Variants in PPM1H observed in about 807,000 individuals in gnomAD.
PPM1H encodes protein phosphatase 1H.
PPM1H carries 27 observed loss-of-function variants against 54.9 expected under a neutral mutation model. The ratio of observed to expected loss-of-function variants is 0.49; its 90% confidence interval spans 0.36 to 0.68. The LOEUF (loss-of-function observed/expected upper bound fraction) is 0.68. PPM1H is among the 30% of genes least tolerant of loss of function. The probability of loss-of-function intolerance (pLI) is 0.00; values close to 1 mark genes in which losing one functional copy is unlikely to be tolerated. For synonymous variants in PPM1H, 305 were observed against 270.8 expected, an observed-to-expected ratio of 1.13 and a Z score of -1.24; for missense variants, 596 against 667.8, an observed-to-expected ratio of 0.89 and a Z score of 1.19.
rs188669110 is a variant in PPM1H, at chr12:62,706,670, T to C, written c.1074-12671A>G. Among the ~76,000 whole-genome samples the C allele has an allele frequency of 1.4e-3, 209 of 152,162 alleles. 1 individual carries two copies. The highest frequency in any genetic ancestry group is 4.7e-3 in the African/African-American group (195 of 41,506). Reference sequence around the variant, plus strand: ...GAGAGGTCATATATCTGGGAGGAAATAGGGGTCAAGCTCACTTCAGGTCTG... The same window carrying C: ...GAGAGGTCATATATCTGGGAGGAAACAGGGGTCAAGCTCACTTCAGGTCTG... On this transcript the variant is annotated intron_variant, in intron 6 of 9. Coordinates refer to ENST00000228705, the MANE Select transcript of PPM1H (RefSeq NM_020700.2).
At chr12:62,655,283 C>T (rs1249423815) in intron 9 of PPM1H, among the ~76,000 whole-genome samples, 1 of 152,180 alleles carries the variant, frequency 6.6e-6, no homozygotes, top group Non-Finnish European at 1.5e-5. Context: ...AGCTCATTTG[C>T]ATCCATCTTC....
At chr12:62,662,367 AAAG>A (rs760966052) in intron 9 of PPM1H, among the ~76,000 whole-genome samples, 54 of 152,224 alleles carry the variant, frequency 3.5e-4, no homozygotes, top group Non-Finnish European at 5.7e-4. Flanking sequence ...AATTCAAATA[AAAG>A]AATATTTAAT....
Position 62,844,291 on chromosome 12 carries a change from G to C in PPM1H, c.246-12012C>G, listed in dbSNP as rs930741137. Among the ~76,000 whole-genome samples, 53 of 152,192 alleles carry C rather than the reference G, an allele frequency of 3.5e-4. No homozygotes were observed. The highest frequency in any genetic ancestry group is 1.2e-3 in the African/African-American group (50 of 41,442). On this transcript the variant is annotated intron_variant, in intron 1 of 9. Coordinates refer to ENST00000228705, the MANE Select transcript of PPM1H (RefSeq NM_020700.2). The surrounding 1 kb of genome is among the most constrained non-coding windows in gnomAD (Gnocchi z 5.2). ...TACAAAGCCAGTATGTAACATTACAGTGATTTGCTTAGTATGGATTACTAC... is the reference window on the plus strand; with the variant it reads ...TACAAAGCCAGTATGTAACATTACACTGATTTGCTTAGTATGGATTACTAC...
rs148073926 is a variant in PPM1H, at chr12:62,673,020, G to A, written c.1246-5691C>T. On this transcript the variant is annotated intron_variant, in intron 8 of 9. Transcript: ENST00000228705. ...ATCCAACAGATTTAGTTTGTTAACT[G>A]AGACACTTCCAAATCGTCAAACAAA... Among the ~76,000 whole-genome samples, 313 of 152,318 alleles carry A rather than the reference G, an allele frequency of 2.1e-3. 1 individual carries two copies. The highest frequency in any genetic ancestry group is 7.0e-3 in the African/African-American group (293 of 41,584).
chr12:62,791,383 A>G (rs2076700363), intron 3 of PPM1H, among the ~76,000 whole-genome samples: 1 of 152,166 alleles, frequency 6.6e-6, no homozygotes, highest in Non-Finnish European at 1.5e-5. Context: ...GAAAACCCAT[A>G]AAAACAGAAC....
At chr12:62,774,266 C>T (rs931059501) in intron 4 of PPM1H, among the ~76,000 whole-genome samples, 1 of 152,222 alleles carries the variant, frequency 6.6e-6, no homozygotes, top group Non-Finnish European at 1.5e-5. Flanking sequence ...TGTGATTAAT[C>T]TCTGGACTCC....
chr12:62,895,534 T>A (rs1442938656), intron 1 of PPM1H, among the ~76,000 whole-genome samples: 12 of 152,166 alleles, frequency 7.9e-5, no homozygotes, highest in Admixed American at 7.9e-4. Context: ...AGGGTTTGTT[T>A]GTTTGACCCC....
intron 1 of PPM1H, among the ~76,000 whole-genome samples, chr12:62,843,119 C>T (rs1282693426): frequency 6.6e-6 from 1 of 152,072 alleles, no homozygotes; most frequent in Non-Finnish European, 1.5e-5. Context: ...AGTTTGAGAC[C>T]AGTCTGACCA....
At chr12:62,914,052 T>A (rs1046235504) in intron 1 of PPM1H, among the ~76,000 whole-genome samples, 1 of 152,154 alleles carries the variant, frequency 6.6e-6, no homozygotes, top group African/African-American at 2.4e-5. Context: ...GTTTGGTTTG[T>A]CCCCACCAAG....
chr12:62,798,237 A>G (rs1237038530), intron 3 of PPM1H, among the ~76,000 whole-genome samples: 2 of 152,102 alleles, frequency 1.3e-5, no homozygotes, highest in Non-Finnish European at 2.9e-5. Context: ...GAGGGAGGGT[A>G]TGGTCATCCA....
chr12:62,658,052 GTTA>G (rs2075855568), intron 9 of PPM1H, among the ~76,000 whole-genome samples: 1 of 63,338 alleles, frequency 1.6e-5, no homozygotes, highest in East Asian at 4.2e-4. Context: ...TTAAATCCAG[GTTA>G]CAAAAAAAAA....
intron 6 of PPM1H, among the ~76,000 whole-genome samples, chr12:62,715,041 T>C (rs1298622174): frequency 6.6e-6 from 1 of 152,172 alleles, no homozygotes; most frequent in East Asian, 1.9e-4. Flanking sequence ...CTGATCCTAC[T>C]TGAGAAAGCG....
At chr12:62,668,784 T>C (rs548884913) in intron 8 of PPM1H, among the ~76,000 whole-genome samples, 2 of 152,238 alleles carry the variant, frequency 1.3e-5, no homozygotes, top group South Asian at 2.1e-4. Context: ...GACAATCATA[T>C]CACCTCAGCC....
intron 1 of PPM1H, among the ~76,000 whole-genome samples, chr12:62,851,658 G>A (rs373289534): frequency 7.2e-5 from 11 of 152,036 alleles, no homozygotes; most frequent in Non-Finnish European, 1.0e-4. Context: ...AGCCGAGATC[G>A]TGCCATTGCC....
At chr12:62,805,811 T>C (rs1333627791) in intron 2 of PPM1H, among the ~76,000 whole-genome samples, 1 of 152,222 alleles carries the variant, frequency 6.6e-6, no homozygotes, top group African/African-American at 2.4e-5. Flanking sequence ...CTGTACTGTA[T>C]ACTTGAAATT....
At chr12:62,788,821 G>T (rs2076688037) in intron 3 of PPM1H, among the ~76,000 whole-genome samples, 1 of 151,940 alleles carries the variant, frequency 6.6e-6, no homozygotes, top group Admixed American at 6.6e-5. Flanking sequence ...TGCTTCCCAG[G>T]CTCAAGCAAT....
At chr12:62,850,318 A>G (rs1869133865) in intron 1 of PPM1H, among the ~76,000 whole-genome samples, 1 of 152,188 alleles carries the variant, frequency 6.6e-6, no homozygotes, top group Non-Finnish European at 1.5e-5. Flanking sequence ...AAAACTTAAT[A>G]TATATGTTTT....
At chr12:62,811,414 G>A (rs759696477) in intron 2 of PPM1H, among the ~76,000 whole-genome samples, 1 of 152,152 alleles carries the variant, frequency 6.6e-6, no homozygotes, top group Admixed American at 6.5e-5. Context: ...GCACATCTGA[G>A]CTCCTGACTT....
At chr12:62,884,515 A>AAG (rs1555203636) in intron 1 of PPM1H, among the ~76,000 whole-genome samples, 6 of 146,324 alleles carry the variant, frequency 4.1e-5, no homozygotes, top group African/African-American at 8.0e-5. Flanking sequence ...AAAAAAAAAA[A>AAG]AAAGAAAGAA....
Sources: gnomAD v4.1 joint callset for allele counts (sites outside exome capture counted in the v4.1 genomes callset) on GRCh38, gnomAD v4.1.1 for gene constraint, Gnocchi (gnomAD v3.1) non-coding constraint, MANE v1.5 for transcripts, NCBI Gene and HGNC (gene_info 2026-07-23, HGNC 2026-07-21) for gene names.